TPST1: variants seen among roughly 807,000 people sequenced by gnomAD.
The protein encoded by TPST1 is protein-tyrosine sulfotransferase 1.
In TPST1, 20 loss-of-function variants were observed where a neutral mutation model predicts 34.8. The observed-to-expected ratio is 0.57, with a 90% CI of 0.40 to 0.84. The LOEUF is 0.84. TPST1 is among the 40% of genes least tolerant of loss of function. The pLI is 0.00. For synonymous variants in TPST1, 152 were observed against 159.4 expected (o/e 0.95, Z 0.35); for missense variants, 353 against 455.5 (o/e 0.78, Z 2.05).
rs1396647981 is a variant in TPST1, at chr7:66,345,047, AT to A, written c.1045-7457del. Among the ~76,000 whole-genome samples, 7 of 152,144 alleles carry A rather than the reference AT, an allele frequency of 4.6e-5. No individual in the cohort carries two copies. In the East Asian group the frequency reaches 1.4e-3, roughly 30 times the overall value. ...CCAATTTTTTAAAAAATTAAAAAAA[AT>A]ATGTGTATGTAAAATTGTGTACACA... On this transcript the variant is annotated intron_variant, in intron 3 of 5. Transcript: ENST00000304842.
rs569093014 is a variant in TPST1 at position 66,297,398 on chromosome 7, G to T, written c.1044+10689G>T. 4.6e-5 allele frequency among the ~76,000 whole-genome samples: 7 copies of T among 152,298 alleles called. No homozygotes were observed. In the East Asian group the frequency reaches 1.3e-3, roughly 29 times the overall value. ...TGGAATTGTTCATTAAACTGAGCAG[G>T]AATCCACCTTGAGAGTGGGGATGAT... On this transcript the variant is annotated intron_variant, in intron 3 of 5. Transcript: ENST00000304842.
chr7:66,261,768 A>T (rs1217323493), intron 2 of TPST1, among the ~76,000 whole-genome samples: 1 of 152,116 alleles, frequency 6.6e-6, no homozygotes, highest in African/African-American at 2.4e-5. Flanking sequence ...TGTATGCCTC[A>T]TTTTCTTCAT....
At chr7:66,204,905 G>A (rs1043825049), upstream of TPST1, among the ~76,000 whole-genome samples, 2 of 152,274 alleles carry the variant, frequency 1.3e-5, no homozygotes, top group Non-Finnish European at 2.9e-5. Context: ...AAGCAGAGGA[G>A]AGGAATTATC....
intron 3 of TPST1, among the ~76,000 whole-genome samples, chr7:66,337,932 A>G (rs894155575): frequency 1.3e-5 from 2 of 152,224 alleles, no homozygotes; most frequent in African/African-American, 4.8e-5. Flanking sequence ...GAAAATAGGA[A>G]GAAAGAATCT....
chr7:66,220,607 T>C lies in TPST1; in HGVS notation c.-102+15085T>C, dbSNP rs534214602. On this transcript the variant is annotated intron_variant, in intron 1 of 5. Transcript: ENST00000304842. ...AGAGACACGCAAAAGCTGCAGTGCA[T>C]GCGGAGGCTCAAACAAGGAAGGGAT... 3.4e-5 allele frequency among the ~76,000 whole-genome samples: 4 copies of C among 118,622 alleles called. No homozygotes were observed. In the South Asian group the frequency reaches 1.2e-3, roughly 34 times the overall value. The allele number at this position is 118,622 out of a possible 152,430, so 77.8% of individuals were successfully genotyped here. A position where few individuals can be genotyped will look rare whatever the true frequency, so the allele number is the denominator to read the frequency against.
chr7:66,254,228 C>G (rs1790334945), intron 2 of TPST1, among the ~76,000 whole-genome samples: 1 of 152,098 alleles, frequency 6.6e-6, no homozygotes, highest in Non-Finnish European at 1.5e-5. Context: ...TTAAGCCATT[C>G]TATCCATAAT....
chr7:66,203,904 C>T (rs909716716), upstream of TPST1, among the ~76,000 whole-genome samples: 20 of 152,100 alleles, frequency 1.3e-4, no homozygotes, highest in Admixed American at 8.5e-4. Flanking sequence ...CAGCCAGGCA[C>T]GGTGGCCCAT....
chr7:66,238,408 C>CTT (rs370723283), intron 1 of TPST1, among the ~76,000 whole-genome samples: 28 of 131,914 alleles, frequency 2.1e-4, no homozygotes, highest in East Asian at 6.5e-4. Context: ...ACAGCACTGG[C>CTT]TTTTTTTTTT....
intron 3 of TPST1, among the ~76,000 whole-genome samples, chr7:66,345,592 GA>G (rs889125764): frequency 6.7e-6 from 1 of 149,754 alleles, no homozygotes; most frequent in Non-Finnish European, 1.5e-5. Flanking sequence ...ATAACATCCT[GA>G]AAAAACCTAG....
chr7:66,294,136 T>C lies in TPST1; in HGVS notation c.1044+7427T>C, dbSNP rs547257963. The stretch of plus-strand genomic sequence containing the variant: ...GTCACCACCGTCCATCTCCAGAACA[T>C]TTTTTGTCTTCCCAAACTGAAATTC... On this transcript the variant is annotated intron_variant, in intron 3 of 5. Transcript: ENST00000304842. Among the ~76,000 whole-genome samples the C allele has an allele frequency of 3.9e-5, 6 of 152,322 alleles. No individual in the cohort carries two copies. In the South Asian group the frequency reaches 8.3e-4, roughly 21 times the overall value.
At chr7:66,331,735 CT>C (rs1405350193) in intron 3 of TPST1, among the ~76,000 whole-genome samples, 2 of 152,052 alleles carry the variant, frequency 1.3e-5, no homozygotes, top group African/African-American at 4.8e-5. Context: ...ATTTCTGTTT[CT>C]TTCTTTGTTT....
chr7:66,241,576 C>A (rs1169233606), intron 2 of TPST1, among the ~76,000 whole-genome samples: 1 of 152,108 alleles, frequency 6.6e-6, no homozygotes. Flanking sequence ...TCTTCAGGGT[C>A]TCAGACCTTA....
chr7:66,315,389 T>C (rs1791613092), intron 3 of TPST1, among the ~76,000 whole-genome samples: 1 of 152,198 alleles, frequency 6.6e-6, no homozygotes, highest in Non-Finnish European at 1.5e-5. Context: ...AGAGGCAAGG[T>C]TGAGACAAAG....
At chr7:66,326,257 C>T (rs1056620511) in intron 3 of TPST1, among the ~76,000 whole-genome samples, 3 of 152,080 alleles carry the variant, frequency 2.0e-5, no homozygotes, top group Non-Finnish European at 2.9e-5. Flanking sequence ...CCTTTAAGTC[C>T]AGTGAAGAAG....
intron 3 of TPST1, among the ~76,000 whole-genome samples, chr7:66,326,402 A>C (rs536328738): frequency 3.9e-5 from 6 of 152,340 alleles, no homozygotes; most frequent in Admixed American, 2.0e-4. Flanking sequence ...GTTTGAGAAA[A>C]GAGGGGAAAA....
intron 2 of TPST1, among the ~76,000 whole-genome samples, chr7:66,242,732 A>G (rs1037540813): frequency 1.3e-5 from 2 of 152,226 alleles, no homozygotes; most frequent in African/African-American, 4.8e-5. Context: ...TTAGACCACC[A>G]GCCTCTTCAG....
At chr7:66,246,418 A>G (rs1790151563) in intron 2 of TPST1, among the ~76,000 whole-genome samples, 1 of 152,130 alleles carries the variant, frequency 6.6e-6, no homozygotes, top group Admixed American at 6.6e-5. Flanking sequence ...TACAAGTGAC[A>G]GAGTAAAATG....
At position 66,294,323 on chromosome 7, in the gene TPST1, G is replaced by C. The variant is rs2115980452; in HGVS notation, c.1044+7614G>C. On this transcript the variant is annotated intron_variant, in intron 3 of 5. Coordinates refer to ENST00000304842, the MANE Select transcript of TPST1 (RefSeq NM_003596.4). ...AGGTGAAAATTCCTTGGCTTTGTCT[G>C]ATATTCTCTTGTTTATATCAGTGTC... Among the ~76,000 whole-genome samples, 2 of 152,180 alleles carry C rather than the reference G, an allele frequency of 1.3e-5. 1 individual carries two copies. The highest frequency in any genetic ancestry group is 1.3e-4 in the Admixed American group (2 of 15,266).
intron 4 of TPST1, among the ~76,000 whole-genome samples, chr7:66,356,586 G>A (rs928162641): frequency 2.6e-5 from 4 of 152,102 alleles, no homozygotes; most frequent in African/African-American, 9.7e-5. Context: ...TGTGATCCAA[G>A]GGCATCAGAA....
Sources: allele counts gnomAD v4.1 joint callset (sites outside exome capture counted in the v4.1 genomes callset), GRCh38; gene constraint gnomAD v4.1.1; transcripts MANE v1.5; gene names NCBI Gene and HGNC (gene_info 2026-07-23, HGNC 2026-07-21).